Variants in GEMIN4 observed in about 807,000 individuals in gnomAD.
GEMIN4 encodes gem nuclear organelle associated protein 4.
Under a neutral mutation model 76.8 loss-of-function variants are expected in GEMIN4, and 59 were observed. The ratio of observed to expected loss-of-function variants is 0.77; its 90% CI spans 0.62 to 0.95. The LOEUF is 0.95. GEMIN4 is among the 40% of genes least tolerant of loss of function. The pLI is 0.00. For synonymous variants in GEMIN4, 562 were observed against 559.7 expected, an observed-to-expected ratio of 1.00 and a Z score of -0.06; for missense variants, 1,311 against 1,318.9, an observed-to-expected ratio of 0.99 and a Z score of 0.09.
chr17:749,759 G>C (rs1447242850), intron 1 of GEMIN4: 1 of 936,890 alleles, frequency 1.1e-6, no homozygotes, highest in African/African-American at 1.8e-5. Context: ...TAGCCACAGA[G>C]CAATGGGCAC....
chr17:744,670 A>G lies in GEMIN4; in HGVS notation c.*196T>C. 1 of 564,266 alleles carries G rather than the reference A, an allele frequency of 1.8e-6. No individual in the cohort carries two copies. Among genetic ancestry groups the G allele is most frequent in the Non-Finnish European group, 3.1e-6 (1 of 326,376 alleles). The allele number at this position is 564,266 out of a possible 1,614,324, so 35.0% of individuals were successfully genotyped here. On this transcript the variant is annotated 3_prime_UTR_variant, in exon 2 of 2. Coordinates refer to ENST00000319004, the MANE Select transcript of GEMIN4 (RefSeq NM_015721.3). ...GATAGTTTGTACGTTACAAATACCC[A>G]AGAAACTATTTTCTTTACACCATTA...
rs1365961056 is a variant in GEMIN4, at chr17:746,862, A to G, written c.1181T>C (p.Leu394Pro). The G allele has an allele frequency of 6.2e-7, 1 of 1,613,650 alleles. No homozygotes were observed. Among genetic ancestry groups the G allele is most frequent in the South Asian group, 1.1e-5 (1 of 91,084 alleles). ...RDFLRKTSTV[L>P]KNRALEDITA... ...GATATCCTCCAAGGCCCTGTTCTTC[A>G]GCACCGTGCTCGTTTTCCTCAGGAA... is the stretch of plus-strand genomic sequence containing the variant. The change falls in exon 2 of 2, where the codon CTG becomes CCG. Residue 394 changes from leucine (L) to proline (P), a missense_variant. By Grantham distance (98) the Leu-to-Pro change is moderately conservative (BLOSUM62 -3). Coordinates refer to ENST00000319004, the MANE Select transcript of GEMIN4 (RefSeq NM_015721.3). This position sits in a 1 kb window ranked among gnomAD's most constrained non-coding sequence, Gnocchi z 4.3.
chr17:749,676 A>G (rs1486622370), intron 1 of GEMIN4: 1 of 303,940 alleles, frequency 3.3e-6, no homozygotes, highest in South Asian at 6.3e-5. Flanking sequence ...CACAGCAGCA[A>G]TCACGCAGCC....
chr17:752,602 A>G (rs1904808082), upstream of GEMIN4: 2 of 911,942 alleles, frequency 2.2e-6, no homozygotes, highest in Non-Finnish European at 2.6e-6. Flanking sequence ...CCACCCGCCC[A>G]GCTCGCGCCA....
chr17:746,338 C>T lies in GEMIN4; in HGVS notation c.1705G>A (p.Val569Met). 1 of 1,613,816 alleles carries T rather than the reference C, an allele frequency of 6.2e-7. No homozygotes were observed. The highest frequency in any genetic ancestry group is 8.5e-7 in the Non-Finnish European group (1 of 1,179,884). ...VTVKKMCSLAVVNLGTHKFLA... is the reference protein window; with the variant it reads ...VTVKKMCSLAMVNLGTHKFLA... ...AACTTGTGGGTGCCGAGATTGACCACAGCCAGGCTGCACATTTTCTTCACC... is the reference window on the plus strand; with the variant it reads ...AACTTGTGGGTGCCGAGATTGACCATAGCCAGGCTGCACATTTTCTTCACC... Residue 569 changes from valine to methionine, a missense_variant, in exon 2 of 2, where the codon GTG becomes ATG. Around this residue, in one of 2 missense-constraint regions of GEMIN4, gnomAD observed 1,208 missense variants for 1,166.9 expected, o/e 1.04. Transcript: ENST00000319004. The surrounding 1 kb of genome is among the most constrained non-coding windows in gnomAD (Gnocchi z 4.3).
At position 747,756 on chromosome 17, in the gene GEMIN4, A is replaced by G; in HGVS notation, c.287T>C (p.Leu96Pro). ...SDTETRWQED[L>P]FFSVGNMIPT... ...GATCATGTTGCCCACCGAGAAGAAC[A>G]GGTCTTCCTGCCACCGTGTCTCTGT... The change falls in exon 2 of 2, where the codon CTG becomes CCG. Residue 96 changes from leucine to proline, a missense_variant. By Grantham distance (98) the Leu-to-Pro change is moderately conservative. This residue lies in a region of GEMIN4 where 103 missense variants were observed against 152.0 expected (regional missense o/e 0.68). Coordinates refer to ENST00000319004, the MANE Select transcript of GEMIN4 (RefSeq NM_015721.3). 6.2e-7 allele frequency: 1 copy of G among 1,613,652 alleles called. No homozygotes were observed. The highest frequency in any genetic ancestry group is 8.5e-7 in the Non-Finnish European group (1 of 1,179,806).
At chr17:753,016 G>A (rs1904841933), upstream of GEMIN4, 1 of 160,834 alleles carries the variant, frequency 6.2e-6, no homozygotes, top group Non-Finnish European at 1.4e-5. Flanking sequence ...CCGGCCCTCC[G>A]GCCTCAGACG....
Position 746,912 on chromosome 17 carries a change from AG to A in GEMIN4, c.1130del (p.Ser377LeufsTer11). ...AGTCCCTGACACACTCCGCCAGCTC[AG>A]AGACCACCTGCCTGTCCTCCTTGGA... ...SLSKEDRQVV[S>X]ELAECVRDFL... On this transcript the variant is annotated frameshift_variant, in exon 2 of 2. Coordinates refer to ENST00000319004, the MANE Select transcript of GEMIN4 (RefSeq NM_015721.3). LOFTEE classifies it high-confidence loss of function. The surrounding 1 kb of genome is among the most constrained non-coding windows in gnomAD (Gnocchi z 4.3). 6.2e-7 allele frequency: 1 copy of A among 1,613,206 alleles called. No individual in the cohort carries two copies. Among genetic ancestry groups the A allele is most frequent in the Non-Finnish European group, 8.5e-7 (1 of 1,179,322 alleles).
chr17:745,806 G>T lies in GEMIN4; in HGVS notation c.2237C>A (p.Thr746Asn). Residue 746 changes from threonine to asparagine, a missense_variant, in exon 2 of 2, where the codon ACC becomes AAC. By Grantham distance (65) the Thr-to-Asn change is moderately conservative (BLOSUM62 0). Around this residue, in one of 2 missense-constraint regions of GEMIN4, gnomAD observed 1,208 missense variants for 1,166.9 expected, o/e 1.04. Coordinates refer to ENST00000319004, the MANE Select transcript of GEMIN4 (RefSeq NM_015721.3). This position sits in a 1 kb window ranked among gnomAD's most constrained non-coding sequence, Gnocchi z 4.6. ...CTTGATCCAGACATCCGGGGAGAAG[G>T]TCTCAGCATTGGCTGATACAATCTC... is the stretch of plus-strand genomic sequence containing the variant. ...LCEIVSANAE[T>N]FSPDVWIKSL... is the part of the protein sequence containing the mutation. 6.2e-7 allele frequency: 1 copy of T among 1,613,024 alleles called. No homozygotes were observed. The highest frequency in any genetic ancestry group is 8.5e-7 in the Non-Finnish European group (1 of 1,179,684).
chr17:745,014 G>T lies in GEMIN4; in HGVS notation c.3029C>A (p.Thr1010Asn). 1 of 1,613,948 alleles carries T rather than the reference G, an allele frequency of 6.2e-7. No individual in the cohort carries two copies. The highest frequency in any genetic ancestry group is 8.5e-7 in the Non-Finnish European group (1 of 1,179,896). The change falls in exon 2 of 2, where the codon ACC becomes AAC. Residue 1010 changes from threonine to asparagine, a missense_variant. This residue lies in a region of GEMIN4 where 1,208 missense variants were observed against 1,166.9 expected (regional missense o/e 1.04). Coordinates refer to ENST00000319004, the MANE Select transcript of GEMIN4 (RefSeq NM_015721.3). The surrounding 1 kb of genome is among the most constrained non-coding windows in gnomAD (Gnocchi z 4.6). ...GGTCTTGCTCAAAGTCTCATAGCAG[G>T]TGAGGGTTTCCAAGGCTAAAACGTA... ...PLYVLALETL[T>N]CYETLSKTNP...
intron 1 of GEMIN4, chr17:748,331 C>T (rs67193655): frequency 0.21 from 74,235 of 355,764 alleles, 8,760 homozygotes; most frequent in Non-Finnish European, 0.25. Flanking sequence ...CTTTGGCCAT[C>T]AAGGTACAGA....
At chr17:751,832 G>C (rs958077416) in intron 1 of GEMIN4, 7 of 362,798 alleles carry the variant, frequency 1.9e-5, no homozygotes, top group East Asian at 8.0e-5. Flanking sequence ...TGCTCGGAGG[G>C]AGCCCGTTTC....
At position 746,316 on chromosome 17, in the gene GEMIN4, T is replaced by G; in HGVS notation, c.1727A>C (p.Lys576Thr). 1 of 1,613,746 alleles carries G rather than the reference T, an allele frequency of 6.2e-7. No homozygotes were observed. Among genetic ancestry groups the G allele is most frequent in the South Asian group, 1.1e-5 (1 of 91,086 alleles). Reference protein sequence around the residue: ...SLAVVNLGTHKFLAQILTAFP... With the variant: ...SLAVVNLGTHTFLAQILTAFP... ...GGCAGTGAGAATCTGGGCCAGGAAC[T>G]TGTGGGTGCCGAGATTGACCACAGC... The change falls in exon 2 of 2, where the codon AAG becomes ACG. Residue 576 changes from lysine to threonine, a missense_variant. Coordinates refer to ENST00000319004, the MANE Select transcript of GEMIN4 (RefSeq NM_015721.3). This position sits in a 1 kb window ranked among gnomAD's most constrained non-coding sequence, Gnocchi z 4.3.
Position 745,036 on chromosome 17 carries a change from C to T in GEMIN4, c.3007G>A (p.Val1003Ile), listed in dbSNP as rs367609297. Residue 1003 changes from valine to isoleucine, a missense_variant, in exon 2 of 2, where the codon GTT becomes ATT. Physicochemically the swap from Val to Ile is conservative, Grantham distance 29. Around this residue, in one of 2 missense-constraint regions of GEMIN4, gnomAD observed 1,208 missense variants for 1,166.9 expected, o/e 1.04. Coordinates refer to ENST00000319004, the MANE Select transcript of GEMIN4 (RefSeq NM_015721.3). This position sits in a 1 kb window ranked among gnomAD's most constrained non-coding sequence, Gnocchi z 4.6. ...LHPEVCEPLYVLALETLTCYE... is the reference protein window; with the variant it reads ...LHPEVCEPLYILALETLTCYE... ...CAGGTGAGGGTTTCCAAGGCTAAAACGTAGAGTGGCTCACAGACCTCCGGG... is the reference window on the plus strand; with the variant it reads ...CAGGTGAGGGTTTCCAAGGCTAAAATGTAGAGTGGCTCACAGACCTCCGGG... The T allele has an allele frequency of 1.5e-5, 24 of 1,613,764 alleles. No homozygotes were observed. Among genetic ancestry groups the T allele is most frequent in the African/African-American group, 4.0e-5 (3 of 74,930 alleles).
chr17:752,257 G>T lies in GEMIN4; in HGVS notation c.-115C>A. On this transcript the variant is annotated 5_prime_UTR_variant, in exon 1 of 2. Coordinates refer to ENST00000319004, the MANE Select transcript of GEMIN4 (RefSeq NM_015721.3). ...GCAGGAGCCACGGCGGCCGCGCTTA[G>T]GCCTGCTCACAACCTCCGCCCGGCC... 8.1e-7 allele frequency: 1 copy of T among 1,227,498 alleles called. No homozygotes were observed. The allele number at this position is 1,227,498 out of a possible 1,614,324, so 76.0% of individuals were successfully genotyped here. A position where few individuals can be genotyped will look rare whatever the true frequency, so the allele number is the denominator to read the frequency against.
chr17:749,814 C>A, intron 1 of GEMIN4: 1 of 997,186 alleles, frequency 1.0e-6, no homozygotes, highest in Non-Finnish European at 1.2e-6. Context: ...ATAAACTTGC[C>A]TTGGGAACAG....
Position 747,082 on chromosome 17 carries a change from G to C in GEMIN4, c.961C>G (p.His321Asp), listed in dbSNP as rs757920533. 2.4e-5 allele frequency: 39 copies of C among 1,613,666 alleles called. No individual in the cohort carries two copies. The highest frequency in any genetic ancestry group is 2.5e-5 in the Non-Finnish European group (29 of 1,179,874). Residue 321 changes from histidine to aspartate, a missense_variant, in exon 2 of 2, where the codon CAC becomes GAC. Transcript: ENST00000319004. The part of the protein sequence containing the change: ...ETIFVGCEFL[H>D]HLLREWGEEL... ...TCCCCCCACTCCCGCAGCAGGTGGTGCAGGAACTCGCAGCCCACGAAAATG... is the reference window on the plus strand; with the variant it reads ...TCCCCCCACTCCCGCAGCAGGTGGTCCAGGAACTCGCAGCCCACGAAAATG...
Position 752,234 on chromosome 17 carries a change from A to G in GEMIN4, c.-92T>C. ...GGACGCACGGCACGATGGGAGACGCAGGAGCCACGGCGGCCGCGCTTAGGC... is the reference window on the plus strand; with the variant it reads ...GGACGCACGGCACGATGGGAGACGCGGGAGCCACGGCGGCCGCGCTTAGGC... On this transcript the variant is annotated 5_prime_UTR_variant, in exon 1 of 2. Transcript: ENST00000319004. 3.3e-6 allele frequency: 4 copies of G among 1,228,708 alleles called. No individual in the cohort carries two copies. The highest frequency in any genetic ancestry group is 4.1e-6 in the Non-Finnish European group (4 of 985,534). The allele number at this position is 1,228,708 out of a possible 1,614,324, so 76.1% of individuals were successfully genotyped here. A position where few individuals can be genotyped will look rare whatever the true frequency, so the allele number is the denominator to read the frequency against.
rs1567779897 is a variant in GEMIN4, at chr17:747,637, T to C, written c.406A>G (p.Ile136Val). 6.2e-7 allele frequency: 1 copy of C among 1,613,706 alleles called. No homozygotes were observed. Among genetic ancestry groups the C allele is most frequent in the African/African-American group, 1.3e-5 (1 of 74,924 alleles). Residue 136 changes from isoleucine to valine, a missense_variant, in exon 2 of 2, where the codon ATC (isoleucine) becomes GTC (valine). By Grantham distance (29) the Ile-to-Val change is conservative (BLOSUM62 3). Around this residue, in one of 2 missense-constraint regions of GEMIN4, gnomAD observed 1,208 missense variants for 1,166.9 expected, o/e 1.04. Transcript: ENST00000319004. Reference sequence around the variant, plus strand: ...AAGCGCTCTAGTTCTGCATGGCAGATGGTGGTGGGCAGGGCCATCAGGAGC... The same window carrying C: ...AAGCGCTCTAGTTCTGCATGGCAGACGGTGGTGGGCAGGGCCATCAGGAGC... ...IQLLMALPTT[I>V]CHAELERFLE...
Sources: allele counts gnomAD v4.1 joint callset, GRCh38; gene constraint gnomAD v4.1.1; regional missense constraint gnomAD v4.1.1; non-coding constraint Gnocchi (gnomAD v3.1); transcripts MANE v1.5; gene names NCBI Gene and HGNC (gene_info 2026-07-23, HGNC 2026-07-21).